Variants in EPHA5 observed in about 807,000 individuals in gnomAD.
EPHA5 encodes EPH receptor A5, also known as ephrin type-A receptor 5.
In EPHA5, 60 loss-of-function variants were observed where a neutral mutation model predicts 105.0. The ratio of observed to expected loss-of-function variants is 0.57; its 90% CI spans 0.46 to 0.71. EPHA5 has a LOEUF of 0.71. Ranked by LOEUF, EPHA5 falls within the 30% of genes least tolerant of loss-of-function variation. The pLI is 0.00. For missense variants in EPHA5, 1,218 were observed against 1,274.7 expected (o/e 0.96, Z 0.68); for synonymous variants, 513 against 449.1 (o/e 1.14, Z -1.80).
chr4:65,630,786 C>A (rs79038071), intron 2 of EPHA5, among the ~76,000 whole-genome samples: 3,038 of 152,142 alleles, frequency 0.02, 106 homozygotes, highest in African/African-American at 0.07. Context: ...GAGAAAGCAA[C>A]CCCTGCCTAG....
chr4:65,556,890 C>T (rs1356185173), intron 3 of EPHA5, among the ~76,000 whole-genome samples: 3 of 151,872 alleles, frequency 2.0e-5, no homozygotes, highest in Admixed American at 1.3e-4. Context: ...TTTTTGTGGT[C>T]TAAAAAACAT....
At chr4:65,635,489 T>C (rs2149498731) in intron 2 of EPHA5, among the ~76,000 whole-genome samples, 1 of 152,232 alleles carries the variant, frequency 6.6e-6, no homozygotes, top group African/African-American at 2.4e-5. Context: ...TGTAGTGGTT[T>C]CCCCATTGTG....
intron 3 of EPHA5, among the ~76,000 whole-genome samples, chr4:65,507,035 AT>A (rs988895080): frequency 1.3e-5 from 2 of 152,070 alleles, no homozygotes; most frequent in African/African-American, 4.8e-5. Context: ...TCTTGAATTA[AT>A]TTTTTTATAA....
intron 5 of EPHA5, among the ~76,000 whole-genome samples, chr4:65,440,784 G>A (rs971653200): frequency 6.6e-6 from 1 of 152,008 alleles, no homozygotes; most frequent in African/African-American, 2.4e-5. Context: ...AGAAGAAAAA[G>A]AAGAGGAAAA....
chr4:65,460,663 T>C (rs1728038094), intron 5 of EPHA5, among the ~76,000 whole-genome samples: 1 of 151,700 alleles, frequency 6.6e-6, no homozygotes, highest in African/African-American at 2.4e-5. Context: ...TAGATAAAAA[T>C]TAGAGACTTC....
intron 5 of EPHA5, among the ~76,000 whole-genome samples, chr4:65,438,963 G>C (rs1451685262): frequency 1.3e-5 from 2 of 152,052 alleles, no homozygotes; most frequent in African/African-American, 2.4e-5. Context: ...AGCTGTAAGA[G>C]CTAACACTCT....
chr4:65,351,696 C>T lies in EPHA5; in HGVS notation c.2236-98G>A, dbSNP rs1010470745. On this transcript the variant is annotated intron_variant, in intron 12 of 16. Transcript: ENST00000613740. ...AATCCCCCAAATTGATACTATCAGTCGCTAAAATTCATATGCAATTTCTAT... is the reference window on the plus strand; with the variant it reads ...AATCCCCCAAATTGATACTATCAGTTGCTAAAATTCATATGCAATTTCTAT... The T allele has an allele frequency of 3.2e-5, 33 of 1,032,214 alleles. 1 individual carries two copies. The highest frequency in any genetic ancestry group is 2.9e-4 in the Middle Eastern group (1 of 3,408). 63.9% of individuals were successfully genotyped at this position (1,032,214 alleles called of 1,614,324 possible). A position where few individuals can be genotyped will look rare whatever the true frequency, so the allele number is the denominator to read the frequency against.
intron 5 of EPHA5, among the ~76,000 whole-genome samples, chr4:65,433,164 C>A (rs904171987): frequency 6.6e-6 from 1 of 152,070 alleles, no homozygotes; most frequent in Non-Finnish European, 1.5e-5. Context: ...ATTAAAAACA[C>A]TGTAGGGTAT....
intron 8 of EPHA5, among the ~76,000 whole-genome samples, chr4:65,390,796 G>T (rs2148954977): frequency 6.6e-6 from 1 of 152,162 alleles, no homozygotes; most frequent in South Asian, 2.1e-4. Context: ...ATACATAAAA[G>T]TATGCCATTT....
chr4:65,376,314 C>T lies in EPHA5; in HGVS notation c.1794-8890G>A, dbSNP rs112604508. On this transcript the variant is annotated intron_variant, in intron 8 of 16. Transcript: ENST00000613740. ...GAGTATTTCACTTTTCACAAAGTAG[C>T]TCCCATTGTGTAGGAGTTCCAATAC... Among the ~76,000 whole-genome samples, 365 of 152,086 alleles carry T rather than the reference C, an allele frequency of 2.4e-3. 2 individuals are homozygous for T. The highest frequency in any genetic ancestry group is 7.9e-3 in the African/African-American group (328 of 41,528).
intron 8 of EPHA5, among the ~76,000 whole-genome samples, chr4:65,390,492 C>T (rs938025556): frequency 6.6e-6 from 1 of 151,904 alleles, no homozygotes; most frequent in Non-Finnish European, 1.5e-5. Flanking sequence ...TTTCTAGGAC[C>T]GGAGAGTATA....
At chr4:65,582,575 A>G (rs1401213209) in intron 3 of EPHA5, among the ~76,000 whole-genome samples, 1 of 151,638 alleles carries the variant, frequency 6.6e-6, no homozygotes, top group Non-Finnish European at 1.5e-5. Flanking sequence ...GCTTTCTTGA[A>G]GTTGAAATTT....
At chr4:65,443,586 G>A (rs1166337584) in intron 5 of EPHA5, among the ~76,000 whole-genome samples, 2 of 151,996 alleles carry the variant, frequency 1.3e-5, no homozygotes, top group African/African-American at 4.8e-5. Flanking sequence ...GCCTTTGAAG[G>A]GGTGCAATGA....
At chr4:65,557,979 C>A (rs1306339234) in intron 3 of EPHA5, among the ~76,000 whole-genome samples, 2 of 151,762 alleles carry the variant, frequency 1.3e-5, no homozygotes, top group Non-Finnish European at 2.9e-5. Flanking sequence ...TGGGTTCAAG[C>A]GATTCTCATG....
intron 16 of EPHA5, among the ~76,000 whole-genome samples, chr4:65,329,465 T>C (rs754710978): frequency 1.2e-4 from 18 of 151,530 alleles, no homozygotes; most frequent in Middle Eastern, 3.4e-3. Flanking sequence ...TTTATTCTTT[T>C]TTTCTAAACC....
At chr4:65,390,186 A>G (rs9992456) in intron 8 of EPHA5, among the ~76,000 whole-genome samples, 7,881 of 152,090 alleles carry the variant, frequency 0.052, 669 homozygotes, top group African/African-American at 0.18. Flanking sequence ...CTTAGCCTAC[A>G]GCATGTATTT....
chr4:65,636,757 C>T (rs752388484), intron 2 of EPHA5, among the ~76,000 whole-genome samples: 1 of 152,004 alleles, frequency 6.6e-6, no homozygotes, highest in Non-Finnish European at 1.5e-5. Flanking sequence ...CACTTTTGCA[C>T]ATCTATAAAA....
intron 5 of EPHA5, among the ~76,000 whole-genome samples, chr4:65,469,661 TG>T (rs1729091093): frequency 6.6e-6 from 1 of 152,210 alleles, no homozygotes; most frequent in Non-Finnish European, 1.5e-5. Context: ...ATTTTGTCTC[TG>T]TTTCTAATTT....
intron 3 of EPHA5, chr4:65,573,855 C>A (rs192792898): frequency 1.2e-6 from 2 of 1,611,572 alleles, no homozygotes; most frequent in South Asian, 1.1e-5. Context: ...CAAAAAAAAA[C>A]CCTTCAGTCA....
Sources: gnomAD v4.1 joint callset for allele counts (sites outside exome capture counted in the v4.1 genomes callset) on GRCh38, gnomAD v4.1.1 for gene constraint, MANE v1.5 for transcripts, NCBI Gene and HGNC (gene_info 2026-07-23, HGNC 2026-07-21) for gene names.